RADIL: variants seen among roughly 807,000 people sequenced by gnomAD.
The protein encoded by RADIL is Rap associating with DIL domain.
In RADIL, 99 loss-of-function variants were observed where a neutral mutation model predicts 97.6. The observed-to-expected ratio is 1.01, with a 90% CI of 0.86 to 1.20. The LOEUF is 1.20. RADIL is among the 50% of genes most tolerant of loss of function. The pLI is 0.00. For missense variants in RADIL, 1,765 were observed against 1,498.9 expected, an observed-to-expected ratio of 1.18 and a Z score of -2.93; for synonymous variants, 803 against 691.8, an observed-to-expected ratio of 1.16 and a Z score of -2.52.
In RADIL at chr7:4,837,845, C is replaced by T. The variant is rs924338961; in HGVS notation, c.536-1240G>A. Reference sequence around the variant, plus strand: ...ACCGCTCACCAGTCCCCAGCTGACCCGGCGCTGTCTTTTCTGAGCCCTCTG... The same window carrying T: ...ACCGCTCACCAGTCCCCAGCTGACCTGGCGCTGTCTTTTCTGAGCCCTCTG... On this transcript the variant is annotated intron_variant, in intron 2 of 14. Transcript: ENST00000399583. This position sits in a 1 kb window ranked among gnomAD's most constrained non-coding sequence, Gnocchi z 5.6. The T allele has an allele frequency of 6.7e-5, 66 of 985,340 alleles. No homozygotes were observed. Among genetic ancestry groups the T allele is most frequent in the East Asian group, 1.1e-4 (1 of 8,826 alleles). 61.0% of individuals were successfully genotyped at this position (985,340 alleles called of 1,614,324 possible).
chr7:4,799,585 A>C, intron 14 of RADIL, 45 bp downstream of exon 14: 1 of 1,607,404 alleles, frequency 6.2e-7, no homozygotes, highest in Non-Finnish European at 8.5e-7. Context: ...TCCCCTGAGC[A>C]GGGCATCTGG....
intron 11 of RADIL, among the ~76,000 whole-genome samples, chr7:4,802,962 G>A (rs541508221): frequency 1.8e-3 from 139 of 76,950 alleles, no homozygotes; most frequent in Middle Eastern, 0.015. Flanking sequence ...CGCTGGCTGG[G>A]GGGCCCCCTC....
At chr7:4,800,750 G>T (rs1782055611) in intron 12 of RADIL, among the ~76,000 whole-genome samples, 1 of 152,190 alleles carries the variant, frequency 6.6e-6, no homozygotes, top group Non-Finnish European at 1.5e-5. Context: ...CACCTGCCCT[G>T]AGGGCCACCA....
intron 2 of RADIL, among the ~76,000 whole-genome samples, chr7:4,852,166 G>A (rs1783724945): frequency 6.6e-6 from 1 of 152,172 alleles, no homozygotes; most frequent in Non-Finnish European, 1.5e-5. Flanking sequence ...AACACTGGCT[G>A]GCCTAGACTG....
At chr7:4,833,787 T>C (rs1783213957) in intron 4 of RADIL, among the ~76,000 whole-genome samples, 1 of 144,746 alleles carries the variant, frequency 6.9e-6, no homozygotes, top group South Asian at 2.1e-4. Flanking sequence ...CACTGTGGGG[T>C]GGGGCCCAGC....
intron 5 of RADIL, among the ~76,000 whole-genome samples, chr7:4,830,248 C>G (rs1783102452): frequency 6.6e-6 from 1 of 152,188 alleles, no homozygotes; most frequent in Non-Finnish European, 1.5e-5. Flanking sequence ...TCATTCCCTG[C>G]CACCAGGAGG....
At chr7:4,829,214 C>G (rs939587309) in intron 5 of RADIL, among the ~76,000 whole-genome samples, 20 of 152,222 alleles carry the variant, frequency 1.3e-4, no homozygotes, top group African/African-American at 4.8e-4. Context: ...CATCACCCTT[C>G]GATGCTATCC....
At chr7:4,860,149 AC>A in intron 2 of RADIL, 3 of 1,614,004 alleles carry the variant, frequency 1.9e-6, no homozygotes, top group Non-Finnish European at 2.5e-6. Flanking sequence ...GACTGTTTCT[AC>A]CCTGAGAACT....
In RADIL at chr7:4,835,204, G is replaced by C; in HGVS notation, c.819C>G (p.His273Gln). ...SLVYVLNRDRHTVGQRTPSSK... is the reference protein window; with the variant it reads ...SLVYVLNRDRQTVGQRTPSSK... The stretch of plus-strand genomic sequence containing the variant: ...TGGAGGGGGTCCGCTGGCCCACCGT[G>C]TGCCGGTCCCGGTTGAGCACATACA... The change falls in exon 4 of 15, where the codon CAC (histidine) becomes CAG (glutamine). Residue 273 changes from histidine (H) to glutamine (Q), a missense_variant. Transcript: ENST00000399583. The surrounding 1 kb of genome is among the most constrained non-coding windows in gnomAD (Gnocchi z 5.8). The C allele has an allele frequency of 6.2e-7, 1 of 1,611,846 alleles. No homozygotes were observed. Among genetic ancestry groups the C allele is most frequent in the Non-Finnish European group, 8.5e-7 (1 of 1,179,850 alleles).
intron 6 of RADIL, among the ~76,000 whole-genome samples, chr7:4,820,297 T>G (rs1335379474): frequency 6.6e-6 from 1 of 152,216 alleles, no homozygotes; most frequent in Non-Finnish European, 1.5e-5. Flanking sequence ...CGACGGGCGC[T>G]GTAGTCCCGG....
chr7:4,833,100 C>T (rs1783193443), intron 4 of RADIL, among the ~76,000 whole-genome samples: 1 of 152,130 alleles, frequency 6.6e-6, no homozygotes, highest in African/African-American at 2.4e-5. Flanking sequence ...CCCTGGTGTG[C>T]TGCAGGGAGT....
At chr7:4,861,704 T>A in intron 2 of RADIL, 1 of 1,574,418 alleles carries the variant, frequency 6.4e-7, no homozygotes, top group Non-Finnish European at 8.6e-7. Flanking sequence ...GAGGAGGCAG[T>A]CCGTCTCCTT....
In RADIL at chr7:4,808,995, G is replaced by A. The variant is rs866980174; in HGVS notation, c.2140-3279C>T. The A allele has an allele frequency of 4.7e-4, 369 of 791,160 alleles. 2 individuals carry two copies. Among genetic ancestry groups the A allele is most frequent in the Middle Eastern group, 2.0e-3 (3 of 1,508 alleles). 49.0% of individuals were successfully genotyped at this position (791,160 alleles called of 1,614,324 possible). On this transcript the variant is annotated intron_variant, in intron 9 of 14. Coordinates refer to ENST00000399583, the MANE Select transcript of RADIL (RefSeq NM_018059.5). ...CCCGTTCCAACGCCACTGCCCCCCC[G>A]CGTCCCCTTCCGACGCCACTGCCCC...
At chr7:4,832,741 C>CAAAAAAAA (rs71032992) in intron 4 of RADIL, among the ~76,000 whole-genome samples, 2 of 66,518 alleles carry the variant, frequency 3.0e-5, no homozygotes, top group Non-Finnish European at 5.5e-5. Context: ...TCCGTCTCAG[C>CAAAAAAAA]AAAAAAAAAA....
chr7:4,859,789 A>T (rs1405440478), intron 2 of RADIL: 1 of 679,240 alleles, frequency 1.5e-6, no homozygotes, highest in African/African-American at 1.8e-5. Flanking sequence ...TGCTGTCTGA[A>T]TTTTTCTAAT....
Position 4,801,766 on chromosome 7 carries a change from A to G in RADIL, c.2729T>C (p.Leu910Pro). 1 of 1,609,680 alleles carries G rather than the reference A, an allele frequency of 6.2e-7. No individual in the cohort carries two copies. Among genetic ancestry groups the G allele is most frequent in the South Asian group, 1.1e-5 (1 of 90,718 alleles). ...GTCGGGGTCCCCAGGCTCAGGGCCA[A>G]GTGGAGTGCTGGGAGGCGTGAGCAA... Reference protein sequence around the residue: ...SCLLTPPSTPLGPEPGDPDWP... With the variant: ...SCLLTPPSTPPGPEPGDPDWP... Residue 910 changes from leucine to proline, a missense_variant, in exon 12 of 15, where the codon CTT becomes CCT. Leu to Pro is a moderately conservative substitution (Grantham distance 98). Coordinates refer to ENST00000399583, the MANE Select transcript of RADIL (RefSeq NM_018059.5).
chr7:4,855,722 C>T (rs1410281287), intron 2 of RADIL, among the ~76,000 whole-genome samples: 4 of 151,204 alleles, frequency 2.6e-5, no homozygotes, highest in African/African-American at 9.7e-5. Context: ...GTTTATTGGC[C>T]GTTCCTAGCT....
chr7:4,870,050 G>C (rs11980569), intron 2 of RADIL, among the ~76,000 whole-genome samples: 4,269 of 152,328 alleles, frequency 0.028, 178 homozygotes, highest in African/African-American at 0.095. Flanking sequence ...TGAGGTGGGA[G>C]GATCGCTTGG....
At chr7:4,800,140 G>T (rs374506286) in intron 13 of RADIL, 31 bp downstream of exon 13, 1 of 1,562,310 alleles carries the variant, frequency 6.4e-7, no homozygotes, top group Non-Finnish European at 8.7e-7. Context: ...CAGCCAGTAT[G>T]GGGGTGCGGC....
Sources: allele counts gnomAD v4.1 joint callset (sites outside exome capture counted in the v4.1 genomes callset), GRCh38; gene constraint gnomAD v4.1.1; non-coding constraint Gnocchi (gnomAD v3.1); transcripts MANE v1.5; gene names NCBI Gene and HGNC (gene_info 2026-07-23, HGNC 2026-07-21).